The following DGKH variants were observed in gnomAD, a reference collection of about 807,000 sequenced individuals.
The protein encoded by DGKH is diacylglycerol kinase eta.
DGKH carries 90 observed loss-of-function variants against 159.3 expected under a neutral mutation model. That is an observed-to-expected ratio of 0.57 (90% CI 0.48 to 0.67). The LOEUF (loss-of-function observed/expected upper bound fraction) is 0.67, where lower values mean the gene tolerates loss of function less well. Among genes scored for constraint, DGKH ranks in the 30% least tolerant of loss-of-function variants. The pLI, the probability that DGKH is intolerant of heterozygous loss-of-function variation, is 0.00. For missense variants in DGKH, 1,181 were observed against 1,506.1 expected (o/e 0.78, Z 3.57); for synonymous variants, 536 against 553.8 (o/e 0.97, Z 0.45).
At chr13:42,186,892 G>A (rs1437431127) in intron 13 of DGKH, among the ~76,000 whole-genome samples, 157 bp from the exon 14 acceptor site, 1 of 152,212 alleles carries the variant, frequency 6.6e-6, no homozygotes, top group African/African-American at 2.4e-5. Flanking sequence ...GGACTTATGT[G>A]AGACAAACTG....
chr13:42,166,632 C>T lies in DGKH; in HGVS notation c.1076C>T (p.Pro359Leu), dbSNP rs369495113. The change falls in exon 9 of 30, where the codon CCG (proline) becomes CTG (leucine). Residue 359 changes from proline to leucine, a missense_variant. By Grantham distance (98) the Pro-to-Leu change is moderately conservative (BLOSUM62 -3). This residue lies in a region of DGKH where 369 missense variants were observed against 519.4 expected (regional missense o/e 0.71). Coordinates refer to ENST00000337343, the MANE Select transcript of DGKH (RefSeq NM_178009.5). Reference sequence around the variant, plus strand: ...CGTCGCTTTAAACAGTTGCTAAATCCGGCTCAGGTGTTTGATTTAATGAAT... The same window carrying T: ...CGTCGCTTTAAACAGTTGCTAAATCTGGCTCAGGTGTTTGATTTAATGAAT... Reference protein sequence around the residue: ...FLRRFKQLLNPAQVFDLMNGG... With the variant: ...FLRRFKQLLNLAQVFDLMNGG... 1.4e-5 allele frequency: 22 copies of T among 1,603,622 alleles called. No individual in the cohort carries two copies. The highest frequency in any genetic ancestry group is 2.3e-5 in the South Asian group (2 of 88,840).
intron 1 of DGKH, among the ~76,000 whole-genome samples, chr13:42,116,886 T>C (rs1954978202): frequency 6.6e-6 from 1 of 152,260 alleles, no homozygotes. Flanking sequence ...TATAAAAATT[T>C]ATTCAACTTG....
chr13:42,127,469 A>G lies in DGKH; in HGVS notation c.199A>G (p.Ile67Val). The part of the protein sequence containing the change: ...TSGQIRTKTS[I>V]KEGQLLKQTS... ...TGCTTCTGCTTCTCTCTAGACCAGT[A>G]TTAAAGAGGGACAGCTATTGAAGCA... The change falls in exon 2 of 30, where the codon ATT becomes GTT. Residue 67 changes from isoleucine to valine, a missense_variant. Physicochemically the swap from Ile to Val is conservative, Grantham distance 29. Transcript: ENST00000337343. 22 of 1,612,934 alleles carry G rather than the reference A, an allele frequency of 1.4e-5. No homozygotes were observed. Among genetic ancestry groups the G allele is most frequent in the Non-Finnish European group, 1.8e-5 (21 of 1,178,996 alleles).
chr13:42,165,942 G>A (rs1956302192), intron 8 of DGKH, among the ~76,000 whole-genome samples: 2 of 152,000 alleles, frequency 1.3e-5, no homozygotes, highest in Admixed American at 1.3e-4. Context: ...TAAGCAAACC[G>A]TATTGCAAAG....
At chr13:42,117,983 C>T (rs1400543139) in intron 1 of DGKH, among the ~76,000 whole-genome samples, 1 of 152,052 alleles carries the variant, frequency 6.6e-6, no homozygotes, top group Non-Finnish European at 1.5e-5. Flanking sequence ...TTTGGGAGGC[C>T]GAGACAGGCG....
At chr13:42,121,318 C>G (rs909637957) in intron 1 of DGKH, among the ~76,000 whole-genome samples, 3 of 152,154 alleles carry the variant, frequency 2.0e-5, no homozygotes, top group African/African-American at 7.2e-5. Flanking sequence ...TTTTGCCCAC[C>G]TGTAGGCTAA....
intron 1 of DGKH, among the ~76,000 whole-genome samples, chr13:42,105,056 T>G (rs760707925): frequency 6.6e-6 from 1 of 152,002 alleles, no homozygotes; most frequent in African/African-American, 2.4e-5. Context: ...TGTGTAGTTT[T>G]AAACCTTTAT....
chr13:42,185,966 T>A (rs775930430), intron 13 of DGKH, among the ~76,000 whole-genome samples: 7 of 150,584 alleles, frequency 4.6e-5, no homozygotes, highest in Non-Finnish European at 8.9e-5. Context: ...AATCTGAAGG[T>A]TGGTAGTGTG....
chr13:42,041,442 A>G (rs1482269775), intron 1 of DGKH, among the ~76,000 whole-genome samples: 1 of 152,194 alleles, frequency 6.6e-6, no homozygotes, highest in African/African-American at 2.4e-5. Context: ...TGGAGGGTGC[A>G]ACGGGTTTTG....
At chr13:42,079,133 C>G (rs919234490) in intron 1 of DGKH, among the ~76,000 whole-genome samples, 1 of 151,892 alleles carries the variant, frequency 6.6e-6, no homozygotes, top group Non-Finnish European at 1.5e-5. Flanking sequence ...CCAGGCTGGT[C>G]TTGAACTACT....
Position 42,048,894 on chromosome 13 carries a change from A to G in DGKH, c.121A>G (p.Ser41Gly). The stretch of plus-strand genomic sequence containing the variant: ...GGGGCCGGGAGAGGATTCGTCTGAC[A>G]GCGAAGCGGAGCAAGAGGGACCCCA... ...SAGPGEDSSD[S>G]EAEQEGPQKL... The change falls in exon 1 of 30, where the codon AGC becomes GGC. Residue 41 changes from serine (S) to glycine (G), a missense_variant. Ser to Gly is a moderately conservative substitution (Grantham distance 56, BLOSUM62 0). Transcript: ENST00000337343. The surrounding 1 kb of genome is among the most constrained non-coding windows in gnomAD (Gnocchi z 6.7). 1 of 1,371,656 alleles carries G rather than the reference A, an allele frequency of 7.3e-7. No homozygotes were observed. Among genetic ancestry groups the G allele is most frequent in the Non-Finnish European group, 9.5e-7 (1 of 1,056,756 alleles). The allele number at this position is 1,371,656 out of a possible 1,614,324, so 85.0% of individuals were successfully genotyped here.
chr13:42,112,069 A>G (rs1468421306), intron 1 of DGKH, among the ~76,000 whole-genome samples: 3 of 152,222 alleles, frequency 2.0e-5, no homozygotes, highest in Non-Finnish European at 4.4e-5. Flanking sequence ...TTTCTGTCAC[A>G]TGGATGTCTC....
chr13:42,140,942 T>G (rs1955535435), intron 3 of DGKH: 1 of 150,756 alleles, frequency 6.6e-6, no homozygotes, highest in African/African-American at 2.4e-5. Context: ...ATTTTTATTT[T>G]TATTATACTT....
Position 42,168,669 on chromosome 13 carries a change from T to C in DGKH, c.1228-10T>C. 2 of 1,614,194 alleles carry C rather than the reference T, an allele frequency of 1.2e-6. No individual in the cohort carries two copies. Among genetic ancestry groups the C allele is most frequent in the Non-Finnish European group, 1.7e-6 (2 of 1,180,010 alleles). Reference sequence around the variant, plus strand: ...TTGTCTGAAAGTCACCCTGTTGCACTGTCTTTCAGTGTCAGCTGGGAGTGT... The same window carrying C: ...TTGTCTGAAAGTCACCCTGTTGCACCGTCTTTCAGTGTCAGCTGGGAGTGT... On this transcript the variant is annotated splice_polypyrimidine_tract_variant and intron_variant, in intron 10 of 29. Transcript: ENST00000337343.
intron 13 of DGKH, 54 bp downstream of exon 13, chr13:42,178,274 CT>C: frequency 1.4e-6 from 2 of 1,389,660 alleles, no homozygotes; most frequent in Non-Finnish European, 2.0e-6. Context: ...TGATAGCTGG[CT>C]CCTACCATTT....
At chr13:42,255,196 T>C (rs1041159990) in intron 30 of DGKH, among the ~76,000 whole-genome samples, 1 of 151,836 alleles carries the variant, frequency 6.6e-6, no homozygotes, top group Non-Finnish European at 1.5e-5. Flanking sequence ...TTAACCATGC[T>C]ATTAATCTTT....
At chr13:42,190,667 A>G in intron 16 of DGKH, 142 bp downstream of exon 16, 1 of 722,192 alleles carries the variant, frequency 1.4e-6, no homozygotes, top group East Asian at 3.2e-5. Context: ...GCTTAGATAA[A>G]TATTCATGAA....
chr13:42,254,475 T>TA (rs1958643105), intron 30 of DGKH, among the ~76,000 whole-genome samples: 1 of 151,496 alleles, frequency 6.6e-6, no homozygotes, highest in Admixed American at 6.6e-5. Context: ...CTACTGAAAA[T>TA]ACAAAAAATT....
chr13:42,110,273 C>G (rs1159168105), intron 1 of DGKH, among the ~76,000 whole-genome samples: 1 of 152,160 alleles, frequency 6.6e-6, no homozygotes, highest in Non-Finnish European at 1.5e-5. Context: ...ACCACTGACC[C>G]CCAGCTCCTC....
Sources: gnomAD v4.1 joint callset for allele counts (sites outside exome capture counted in the v4.1 genomes callset) on GRCh38, gnomAD v4.1.1 for gene constraint, gnomAD v4.1.1 regional missense constraint, Gnocchi (gnomAD v3.1) non-coding constraint, MANE v1.5 for transcripts, NCBI Gene and HGNC (gene_info 2026-07-23, HGNC 2026-07-21) for gene names.